The following LIMK2 variants were observed in gnomAD, a reference collection of about 807,000 sequenced individuals.
LIMK2 encodes the protein LIM domain kinase 2.
LIMK2 carries 35 observed loss-of-function variants against 75.7 expected under a neutral mutation model. The ratio of observed to expected loss-of-function variants is 0.46; its 90% confidence interval spans 0.35 to 0.61. LIMK2 has a LOEUF of 0.61. Ranked by LOEUF, LIMK2 falls within the 20% of genes least tolerant of loss-of-function variation. The pLI, the probability that LIMK2 is intolerant of heterozygous loss-of-function variation, is 0.00. For synonymous variants in LIMK2, 301 were observed against 319.2 expected, an observed-to-expected ratio of 0.94 and a Z score of 0.61; for missense variants, 623 against 831.0, an observed-to-expected ratio of 0.75 and a Z score of 3.08.
At chr22:31,235,711 C>T (rs1461880623) in intron 2 of LIMK2, among the ~76,000 whole-genome samples, 2 of 151,992 alleles carry the variant, frequency 1.3e-5, no homozygotes, top group Non-Finnish European at 2.9e-5. Flanking sequence ...GATATATATT[C>T]AATATAGAGT....
At chr22:31,230,333 T>C (rs1362670150) in intron 2 of LIMK2, among the ~76,000 whole-genome samples, 1 of 152,168 alleles carries the variant, frequency 6.6e-6, no homozygotes, top group African/African-American at 2.4e-5. Context: ...CATTTGTAGC[T>C]GAGGTTAAAG....
At chr22:31,232,087 T>C (rs1036269060) in intron 2 of LIMK2, among the ~76,000 whole-genome samples, 2 of 151,844 alleles carry the variant, frequency 1.3e-5, no homozygotes, top group Non-Finnish European at 2.9e-5. Context: ...GTGCTTGGGA[T>C]TACGGAAGTA....
At chr22:31,229,717 G>A (rs963017726) in intron 2 of LIMK2, among the ~76,000 whole-genome samples, 1 of 152,090 alleles carries the variant, frequency 6.6e-6, no homozygotes, top group African/African-American at 2.4e-5. Context: ...AGAAATTGCT[G>A]GGGTCCATCC....
At chr22:31,246,179 G>GCGCACACACACACACACACACACACA (rs1555886265) in intron 2 of LIMK2, among the ~76,000 whole-genome samples, 3 of 69,774 alleles carry the variant, frequency 4.3e-5, no homozygotes, top group Non-Finnish European at 6.2e-5. Context: ...ACACACGCAC[G>GCGCACACACACACACACACACACACA]CACGCACACA....
intron 2 of LIMK2, among the ~76,000 whole-genome samples, chr22:31,254,661 T>C (rs1453009150): frequency 1.3e-5 from 2 of 152,146 alleles, no homozygotes; most frequent in African/African-American, 4.8e-5. Flanking sequence ...CAGAACCACA[T>C]TTAATCCTCA....
At chr22:31,259,266 TAAG>T in intron 4 of LIMK2, 36 bp downstream of exon 4, 1 of 1,354,520 alleles carries the variant, frequency 7.4e-7, no homozygotes, top group African/African-American at 1.4e-5. Context: ...CTCTCCCATA[TAAG>T]AGTGGCTGGC....
chr22:31,268,124 A>G lies in LIMK2; in HGVS notation c.1261-20A>G. On this transcript the variant is annotated intron_variant, in intron 10 of 15. Coordinates refer to ENST00000331728, the MANE Select transcript of LIMK2 (RefSeq NM_005569.4). ...GGGACAGGGCTCAACAGCCTCTGAA[A>G]ATCATTCCCCATTCTGCAGGATCCG... The G allele has an allele frequency of 6.2e-7, 1 of 1,613,504 alleles. No homozygotes were observed. Among genetic ancestry groups the G allele is most frequent in the Non-Finnish European group, 8.5e-7 (1 of 1,179,546 alleles).
chr22:31,259,685 G>A lies in LIMK2; in HGVS notation c.363-204G>A, dbSNP rs118012131. The stretch of plus-strand genomic sequence containing the variant: ...CAGTGTTTTTCCAAATATACCACTT[G>A]CTGCAGATCTAGCTCAGCACCCCCA... On this transcript the variant is annotated intron_variant, in intron 4 of 15. Transcript: ENST00000331728. 3.3e-4 allele frequency among the ~76,000 whole-genome samples: 50 copies of A among 152,236 alleles called. No individual in the cohort carries two copies. In the East Asian group the frequency reaches 9.1e-3, roughly 28 times the overall value.
At chr22:31,221,416 G>A (rs924098289) in intron 1 of LIMK2, among the ~76,000 whole-genome samples, 1 of 151,010 alleles carries the variant, frequency 6.6e-6, no homozygotes, top group East Asian at 1.9e-4. Context: ...TACTTTGGCC[G>A]CCCGCCCTTT....
At position 31,253,102 on chromosome 22, in the gene LIMK2, G is replaced by A. The variant is rs540440023; in HGVS notation, c.117-5189G>A. 2.6e-4 allele frequency among the ~76,000 whole-genome samples: 39 copies of A among 152,320 alleles called. No homozygotes were observed. In the East Asian group the frequency reaches 6.2e-3, roughly 24 times the overall value. On this transcript the variant is annotated intron_variant, in intron 2 of 15. Coordinates refer to ENST00000331728, the MANE Select transcript of LIMK2 (RefSeq NM_005569.4). ...AATGTTTTGGAAGATGAGTTTTGGA[G>A]GTTGTCCTTAGGCATAGCCTCAGCG...
At chr22:31,232,095 G>A (rs960409053) in intron 2 of LIMK2, among the ~76,000 whole-genome samples, 2 of 151,966 alleles carry the variant, frequency 1.3e-5, no homozygotes, top group African/African-American at 2.4e-5. Flanking sequence ...GATTACGGAA[G>A]TAAGCCACTG....
intron 2 of LIMK2, among the ~76,000 whole-genome samples, chr22:31,237,955 A>T (rs1354110792): frequency 1.3e-5 from 2 of 150,850 alleles, no homozygotes; most frequent in African/African-American, 2.4e-5. Flanking sequence ...AAAAAAAAAA[A>T]AGTACAAAAA....
chr22:31,270,338 A>G (rs1048130790), intron 11 of LIMK2, among the ~76,000 whole-genome samples: 1 of 152,204 alleles, frequency 6.6e-6, no homozygotes, highest in South Asian at 2.1e-4. Flanking sequence ...CAGGTAGCAT[A>G]GGAAAGTTGT....
intron 2 of LIMK2, among the ~76,000 whole-genome samples, chr22:31,242,511 A>G (rs1480168361): frequency 6.6e-6 from 1 of 152,238 alleles, no homozygotes; most frequent in Admixed American, 6.5e-5. Flanking sequence ...CAATGGTTCC[A>G]TCACTGTGCC....
Position 31,275,502 on chromosome 22 carries a change from A to G in LIMK2, c.1772+194A>G, listed in dbSNP as rs201594758. ...AGAGAGAGGTAAAGACATAGCAGCA[A>G]GTAATCTGGATAGGACACAGAAACA... On this transcript the variant is annotated intron_variant, in intron 15 of 15. Transcript: ENST00000331728. The G allele has an allele frequency of 1.2e-5, 7 of 588,846 alleles. No homozygotes were observed. In the East Asian group the frequency reaches 2.0e-4, roughly 17 times the overall value. The allele number at this position is 588,846 out of a possible 1,614,324, so 36.5% of individuals were successfully genotyped here. A position where few individuals can be genotyped will look rare whatever the true frequency, so the allele number is the denominator to read the frequency against.
At chr22:31,271,294 G>A in intron 12 of LIMK2, 93 bp downstream of exon 12, 1 of 1,079,428 alleles carries the variant, frequency 9.3e-7, no homozygotes, top group Non-Finnish European at 1.4e-6. Flanking sequence ...TCTGGCTAGA[G>A]GGCAGAGGTG....
chr22:31,213,720 T>C (rs2048367195), intron 1 of LIMK2, among the ~76,000 whole-genome samples: 1 of 152,072 alleles, frequency 6.6e-6, no homozygotes, highest in Non-Finnish European at 1.5e-5. Context: ...GCTTGGGCAA[T>C]ATAGCGAGAC....
At position 31,259,978 on chromosome 22, in the gene LIMK2, C is replaced by T. The variant is rs555588151; in HGVS notation, c.452C>T (p.Thr151Met). 3.3e-5 allele frequency: 53 copies of T among 1,611,866 alleles called. No individual in the cohort carries two copies. The South Asian group carries it at 4.6e-4, about 14-fold the overall frequency. The change falls in exon 5 of 16, where the codon ACG becomes ATG. Residue 151 changes from threonine to methionine, a missense_variant. By Grantham distance (81) the Thr-to-Met change is moderately conservative. Around this residue, in one of 3 missense-constraint regions of LIMK2, gnomAD observed 514 missense variants for 661.3 expected, o/e 0.78. Coordinates refer to ENST00000331728, the MANE Select transcript of LIMK2 (RefSeq NM_005569.4). ...CAGGAGCAGCTGCCCTACTCTGTCA[C>T]GCTCATCTCCATGCCGGCCACCACT... ...SVQEQLPYSV[T>M]LISMPATTEG...
At chr22:31,239,827 G>A (rs1290970139) in intron 2 of LIMK2, among the ~76,000 whole-genome samples, 2 of 152,110 alleles carry the variant, frequency 1.3e-5, no homozygotes, top group East Asian at 1.9e-4. Context: ...TTTGTTGAAC[G>A]ACTCTTTGGA....
Sources: gnomAD v4.1 joint callset for allele counts (sites outside exome capture counted in the v4.1 genomes callset) on GRCh38, gnomAD v4.1.1 for gene constraint, gnomAD v4.1.1 regional missense constraint, MANE v1.5 for transcripts, NCBI Gene and HGNC (gene_info 2026-07-23, HGNC 2026-07-21) for gene names.